KITLG: variants seen among roughly 807,000 people sequenced by gnomAD.
KITLG encodes KIT ligand, also known as c-Kit ligand.
KITLG carries 13 observed loss-of-function variants against 34.1 expected under a neutral mutation model. The observed-to-expected ratio is 0.38, with a 90% CI of 0.25 to 0.61. The LOEUF is 0.61. KITLG is among the 20% of genes least tolerant of loss of function. The probability of loss-of-function intolerance (pLI) is 0.60; values close to 1 mark genes in which losing one functional copy is unlikely to be tolerated. For missense variants in KITLG, 292 were observed against 318.9 expected (o/e 0.92, Z 0.64); for synonymous variants, 110 against 104.0 (o/e 1.06, Z -0.35).
intron 1 of KITLG, among the ~76,000 whole-genome samples, chr12:88,556,160 T>TG (rs1189959659): frequency 1.3e-5 from 2 of 150,852 alleles, no homozygotes; most frequent in African/African-American, 2.4e-5. Context: ...AAACAAGGCA[T>TG]GTTCTTAGAA....
intron 9 of KITLG, among the ~76,000 whole-genome samples, chr12:88,504,501 C>T (rs1362802668): frequency 6.6e-6 from 1 of 152,114 alleles, no homozygotes; most frequent in African/African-American, 2.4e-5. Flanking sequence ...AGCCAACAGA[C>T]ACGTGAAAAA....
At chr12:88,519,006 G>A in intron 3 of KITLG, 139 bp from the exon 4 acceptor site, 2 of 745,068 alleles carry the variant, frequency 2.7e-6, no homozygotes, top group South Asian at 1.6e-5. Flanking sequence ...CAGATTACAA[G>A]TGCCTGCCAC....
At chr12:88,555,808 CT>C (rs1480342699) in intron 1 of KITLG, among the ~76,000 whole-genome samples, 1 of 152,178 alleles carries the variant, frequency 6.6e-6, no homozygotes, top group Middle Eastern at 3.2e-3. Flanking sequence ...GGGGCCACTT[CT>C]TCATTTAACA....
chr12:88,551,111 C>T lies in KITLG; in HGVS notation c.16-5246G>A, dbSNP rs539990569. On this transcript the variant is annotated intron_variant, in intron 1 of 9. Coordinates refer to ENST00000644744, the MANE Select transcript of KITLG (RefSeq NM_000899.5). ...CTGAAAAACCTATATTTCTTAAAGC[C>T]CTTTATTTTAAAGCCATTATAAATA... Among the ~76,000 whole-genome samples, 9 of 151,956 alleles carry T rather than the reference C, an allele frequency of 5.9e-5. No homozygotes were observed. The South Asian group carries it at 8.3e-4, about 14-fold the overall frequency.
chr12:88,540,513 G>C (rs1870481311), intron 2 of KITLG, among the ~76,000 whole-genome samples: 1 of 152,050 alleles, frequency 6.6e-6, no homozygotes, highest in Non-Finnish European at 1.5e-5. Context: ...AAAAACCAAG[G>C]AGCAGGCTGC....
intron 1 of KITLG, among the ~76,000 whole-genome samples, chr12:88,554,558 G>A (rs983967642): frequency 6.6e-6 from 1 of 152,156 alleles, no homozygotes; most frequent in African/African-American, 2.4e-5. Context: ...AGAGCCAACT[G>A]GCTCAACTAC....
intron 3 of KITLG, among the ~76,000 whole-genome samples, chr12:88,520,521 G>T (rs1168743972): frequency 1.3e-5 from 2 of 152,084 alleles, no homozygotes; most frequent in Non-Finnish European, 2.9e-5. Flanking sequence ...GAAATTCCAG[G>T]TATTAATCTC....
chr12:88,511,618 T>C (rs1026227994), intron 6 of KITLG, among the ~76,000 whole-genome samples: 3 of 152,224 alleles, frequency 2.0e-5, no homozygotes, highest in Non-Finnish European at 4.4e-5. Flanking sequence ...TAATAAGCTG[T>C]ATATGCACCA....
At chr12:88,558,358 T>A (rs965468455) in intron 1 of KITLG, among the ~76,000 whole-genome samples, 8 of 151,834 alleles carry the variant, frequency 5.3e-5, no homozygotes. Flanking sequence ...TTTTACTACA[T>A]GAGAATAAAC....
At chr12:88,545,146 T>G (rs1345002462) in intron 2 of KITLG, among the ~76,000 whole-genome samples, 1 of 152,058 alleles carries the variant, frequency 6.6e-6, no homozygotes, top group Non-Finnish European at 1.5e-5. Flanking sequence ...AAGCATAGCA[T>G]GGAGCTGGCA....
At chr12:88,550,992 A>G (rs1870896834) in intron 1 of KITLG, among the ~76,000 whole-genome samples, 1 of 152,218 alleles carries the variant, frequency 6.6e-6, no homozygotes, top group East Asian at 1.9e-4. Flanking sequence ...AAATTCAAAT[A>G]TCTTACAAAG....
chr12:88,515,937 G>C (rs571389164), intron 5 of KITLG, among the ~76,000 whole-genome samples: 1 of 151,818 alleles, frequency 6.6e-6, no homozygotes, highest in East Asian at 1.9e-4. Flanking sequence ...AGGGAAAAAA[G>C]AGTCTTAATA....
At position 88,496,008 on chromosome 12, in the gene KITLG, T is replaced by C. The variant is rs1314906442; in HGVS notation, c.*1211A>G. ...TTCACTCTTAATATGACAAACACTG[T>C]CACACATTTTAAATAGCAAACTGAC... On this transcript the variant is annotated 3_prime_UTR_variant, in exon 10 of 10. Transcript: ENST00000644744. 1 of 152,140 alleles carries C rather than the reference T, an allele frequency of 6.6e-6. No individual in the cohort carries two copies. Among genetic ancestry groups the C allele is most frequent in the African/African-American group, 2.4e-5 (1 of 41,430 alleles). 9.4% of individuals were successfully genotyped at this position (152,140 alleles called of 1,614,324 possible).
At chr12:88,509,870 G>C (rs1332212643) in intron 6 of KITLG, among the ~76,000 whole-genome samples, 2 of 152,080 alleles carry the variant, frequency 1.3e-5, no homozygotes, top group Non-Finnish European at 2.9e-5. Flanking sequence ...TGCAGCTATC[G>C]AGTAGGAATC....
Position 88,522,488 on chromosome 12 carries a change from C to T in KITLG, c.193-3621G>A, listed in dbSNP as rs957405057. Among the ~76,000 whole-genome samples, 46 of 143,872 alleles carry T rather than the reference C, an allele frequency of 3.2e-4. 1 individual carries two copies. Among genetic ancestry groups the T allele is most frequent in the African/African-American group, 1.1e-3 (44 of 38,668 alleles). 94.4% of individuals were successfully genotyped at this position (143,872 alleles called of 152,430 possible). ...TCTCGCCCACGCTGGAGTGCAATGG[C>T]GTGGTCTCAGCTCACTGCAACCTCT... On this transcript the variant is annotated intron_variant, in intron 3 of 9. Coordinates refer to ENST00000644744, the MANE Select transcript of KITLG (RefSeq NM_000899.5).
rs371930218 is a variant in KITLG at position 88,506,360 on chromosome 12, T to G, written c.733A>C (p.Thr245Pro). 6.2e-7 allele frequency: 1 copy of G among 1,608,440 alleles called. No homozygotes were observed. Among genetic ancestry groups the G allele is most frequent in the Non-Finnish European group, 8.5e-7 (1 of 1,174,852 alleles). The change falls in exon 8 of 10, where the codon ACA (threonine) becomes CCA (proline). Residue 245 changes from threonine (T) to proline (P), a missense_variant. Physicochemically the swap from Thr to Pro is conservative, Grantham distance 38 (BLOSUM62 -1). Coordinates refer to ENST00000644744, the MANE Select transcript of KITLG (RefSeq NM_000899.5). ...ATTTGTATATTTTCAACTGCCCTTGTAAGACTTGGCTGTCTCTTCTGGAAA... is the reference window on the plus strand; with the variant it reads ...ATTTGTATATTTTCAACTGCCCTTGGAAGACTTGGCTGTCTCTTCTGGAAA... Reference protein sequence around the residue: ...LYWKKRQPSLTRAVENIQINE... With the variant: ...LYWKKRQPSLPRAVENIQINE...
chr12:88,503,887 GT>G (rs1327729633), intron 9 of KITLG, among the ~76,000 whole-genome samples: 4 of 152,094 alleles, frequency 2.6e-5, no homozygotes, highest in Admixed American at 2.0e-4. Context: ...ATATTTGGAT[GT>G]TTTCTCTTTT....
chr12:88,574,884 C>A (rs1871779438), intron 1 of KITLG, among the ~76,000 whole-genome samples: 1 of 152,144 alleles, frequency 6.6e-6, no homozygotes, highest in South Asian at 2.1e-4. Context: ...TTTGCTAAAA[C>A]AGGAAAGTGT....
At chr12:88,576,000 G>C (rs926863476) in intron 1 of KITLG, among the ~76,000 whole-genome samples, 1 of 152,088 alleles carries the variant, frequency 6.6e-6, no homozygotes, top group Non-Finnish European at 1.5e-5. Context: ...ACTCAGAAAA[G>C]CAAGTGCGAG....
Sources: allele counts gnomAD v4.1 joint callset (sites outside exome capture counted in the v4.1 genomes callset), GRCh38; gene constraint gnomAD v4.1.1; transcripts MANE v1.5; gene names NCBI Gene and HGNC (gene_info 2026-07-23, HGNC 2026-07-21).